Variants in CIMIP6 observed in about 807,000 individuals in gnomAD.
CIMIP6 encodes ciliary microtubule inner protein 6, also known as uncharacterized protein C2orf73.
chr2:54,363,144 C>T, the CIMIP6 span, among the ~76,000 whole-genome samples: 1 of 152,086 alleles, frequency 6.6e-6, no homozygotes, highest in Non-Finnish European at 1.5e-5. Flanking sequence ...GAGTGTGAAC[C>T]TCGCACTCTG....
At chr2:54,368,086 T>C in the CIMIP6 span, among the ~76,000 whole-genome samples, 3 of 152,302 alleles carry the variant, frequency 2.0e-5, no homozygotes, top group South Asian at 6.2e-4. Context: ...CCTAACACAA[T>C]TTTCATGACT....
chr2:54,358,753 C>T, the CIMIP6 span, among the ~76,000 whole-genome samples: 8 of 151,968 alleles, frequency 5.3e-5, no homozygotes, highest in Non-Finnish European at 8.8e-5. Flanking sequence ...TAATTCCACA[C>T]GTGGGGCTAA....
At chr2:54,342,861 G>T in the CIMIP6 span, among the ~76,000 whole-genome samples, 3 of 151,980 alleles carry the variant, frequency 2.0e-5, no homozygotes, top group Admixed American at 6.6e-5. Flanking sequence ...AGGTGTCATA[G>T]GGTTTCTCAA....
chr2:54,355,143 C>A, the CIMIP6 span, among the ~76,000 whole-genome samples: 2 of 151,740 alleles, frequency 1.3e-5, no homozygotes, highest in Middle Eastern at 3.2e-3. Context: ...AAGTGCTTTT[C>A]CTTTTAATAT....
the CIMIP6 span, chr2:54,360,053 A>C: frequency 7.0e-6 from 6 of 851,114 alleles, no homozygotes; most frequent in African/African-American, 8.7e-5. Context: ...GGTGGTGTCT[A>C]GTTTGGGACT....
the CIMIP6 span, chr2:54,343,907 T>C: frequency 3.5e-5 from 52 of 1,481,606 alleles, no homozygotes; most frequent in Admixed American, 7.2e-5. Context: ...CCTTTTATGT[T>C]ATCTCAAATT....
chr2:54,358,558 C>T, the CIMIP6 span, among the ~76,000 whole-genome samples: 5 of 152,022 alleles, frequency 3.3e-5, no homozygotes, highest in Admixed American at 6.6e-5. Flanking sequence ...CATGCCACCA[C>T]GCCTGGCTTA....
chr2:54,382,097 A>G, the CIMIP6 span: 1 of 1,294,920 alleles, frequency 7.7e-7, no homozygotes, highest in Non-Finnish European at 1.0e-6. Context: ...CTGATTACAA[A>G]GCACAAATTT....
chr2:54,331,679 C>T, the CIMIP6 span, among the ~76,000 whole-genome samples: 4 of 152,032 alleles, frequency 2.6e-5, no homozygotes, highest in Admixed American at 1.3e-4. Flanking sequence ...CTTCCCACCC[C>T]CGAGACACAC....
At chr2:54,375,727 A>G in the CIMIP6 span, among the ~76,000 whole-genome samples, 2 of 152,246 alleles carry the variant, frequency 1.3e-5, no homozygotes, top group African/African-American at 4.8e-5. Context: ...CTTTTAAAAT[A>G]CATTATGATA....
the CIMIP6 span, chr2:54,334,919 T>A: frequency 6.3e-7 from 1 of 1,587,766 alleles, no homozygotes; most frequent in Non-Finnish European, 8.6e-7. Flanking sequence ...CAAAATCACA[T>A]GTTGGAAGAG....
At chr2:54,345,174 A>C in the CIMIP6 span, among the ~76,000 whole-genome samples, 8 of 152,310 alleles carry the variant, frequency 5.3e-5, no homozygotes, top group Admixed American at 6.5e-5. Flanking sequence ...AAAGCATACA[A>C]ATTTATTTAA....
the CIMIP6 span, among the ~76,000 whole-genome samples, chr2:54,370,413 CA>C: frequency 6.6e-6 from 1 of 151,176 alleles, no homozygotes; most frequent in Non-Finnish European, 1.5e-5. Context: ...CAAATCCACT[CA>C]AAGGTGTATT....
the CIMIP6 span, among the ~76,000 whole-genome samples, chr2:54,376,907 G>C: frequency 1.3e-5 from 2 of 152,182 alleles, no homozygotes; most frequent in African/African-American, 4.8e-5. Context: ...GAGGGCAAAG[G>C]CACTACCTTC....
At chr2:54,333,496 A>T in the CIMIP6 span, among the ~76,000 whole-genome samples, 1 of 152,162 alleles carries the variant, frequency 6.6e-6, no homozygotes, top group Non-Finnish European at 1.5e-5. Flanking sequence ...GTGAAGTCGA[A>T]GAGGTTCACT....
At chr2:54,377,430 T>C in the CIMIP6 span, among the ~76,000 whole-genome samples, 1 of 152,022 alleles carries the variant, frequency 6.6e-6, no homozygotes. Context: ...TTTAACATAA[T>C]TTTATTTATA....
the CIMIP6 span, chr2:54,358,997 A>C: frequency 6.4e-7 from 1 of 1,553,456 alleles, no homozygotes; most frequent in African/African-American, 1.4e-5. Flanking sequence ...AGAACTTCAA[A>C]ACAATTTTAT....
chr2:54,361,961 C>T, the CIMIP6 span, among the ~76,000 whole-genome samples: 1 of 152,208 alleles, frequency 6.6e-6, no homozygotes, highest in South Asian at 2.1e-4. Flanking sequence ...GCAGACTCCA[C>T]TCCACTCATA....
the CIMIP6 span, among the ~76,000 whole-genome samples, chr2:54,373,625 C>T: frequency 1.3e-5 from 2 of 152,146 alleles, no homozygotes; most frequent in East Asian, 3.9e-4. Flanking sequence ...AATTAGTCTT[C>T]TTAAATTACA....
Sources: allele counts gnomAD v4.1 joint callset (sites outside exome capture counted in the v4.1 genomes callset), GRCh38; gene constraint gnomAD v4.1.1; transcripts MANE v1.5; gene names NCBI Gene and HGNC (gene_info 2026-07-23, HGNC 2026-07-21).